TMEM176A: variants seen among roughly 807,000 people sequenced by gnomAD.
TMEM176A encodes transmembrane protein 176A, also known as hepatocellular carcinoma-associated antigen 112.
In TMEM176A, 20 loss-of-function variants were observed where a neutral mutation model predicts 27.9. The observed-to-expected ratio is 0.72, with a 90% CI of 0.50 to 1.04. The LOEUF (loss-of-function observed/expected upper bound fraction) is 1.04. Ranked by LOEUF, TMEM176A falls within the 50% of genes least tolerant of loss-of-function variation. The probability of loss-of-function intolerance (pLI) is 0.00; values close to 1 mark genes in which losing one functional copy is unlikely to be tolerated. For missense variants in TMEM176A, 252 were observed against 289.1 expected, an observed-to-expected ratio of 0.87 and a Z score of 0.93; for synonymous variants, 125 against 118.0, an observed-to-expected ratio of 1.06 and a Z score of -0.38.
At chr7:150,801,350 G>A in intron 1 of TMEM176A, 186 bp from the exon 2 acceptor site, 2 of 483,476 alleles carry the variant, frequency 4.1e-6, no homozygotes, top group East Asian at 3.5e-5. Context: ...CGCAGTTCCA[G>A]CATGGTCAGC....
chr7:150,802,257 G>A lies in TMEM176A; in HGVS notation c.217G>A (p.Gly73Arg). The A allele has an allele frequency of 1.2e-6, 2 of 1,613,984 alleles. No homozygotes were observed. The highest frequency in any genetic ancestry group is 1.7e-6 in the Non-Finnish European group (2 of 1,179,992). ...GGGGATCTTGAGTGCAGTCCTAGGA[G>A]GATTTTTCTACATCCGCGACTACAC... Reference protein sequence around the residue: ...VLGILSAVLGGFFYIRDYTLL... With the variant: ...VLGILSAVLGRFFYIRDYTLL... Residue 73 changes from glycine to arginine, a missense_variant, in exon 3 of 7, where the codon GGA becomes AGA. Transcript: ENST00000004103.
chr7:150,801,863 C>A, intron 2 of TMEM176A, 139 bp downstream of exon 2: 1 of 942,670 alleles, frequency 1.1e-6, no homozygotes. Context: ...ATTCTCTGGC[C>A]TTCTCAGTAA....
chr7:150,801,417 C>T, intron 1 of TMEM176A, 119 bp from the exon 2 acceptor site: 3 of 1,007,596 alleles, frequency 3.0e-6, no homozygotes, highest in Non-Finnish European at 4.4e-6. Context: ...GCCCTGTGAC[C>T]AGGACAGCCA....
intron 3 of TMEM176A, 54 bp downstream of exon 3, chr7:150,802,379 C>T (rs565436863): frequency 4.3e-5 from 63 of 1,479,886 alleles, no homozygotes; most frequent in South Asian, 3.8e-4. Flanking sequence ...GGGCATTGCT[C>T]TCCTGATTGC....
chr7:150,803,800 C>CACCT lies in TMEM176A; in HGVS notation c.525_528dup (p.Cys177ProfsTer81). ...GAGTCCAGAAGAAGTCAGAAGGCTACACCTATGTACCTCCTTCATGGACAT... is the reference window on the plus strand; with the variant it reads ...GAGTCCAGAAGAAGTCAGAAGGCTACACCTACCTATGTACCTCCTTCATGGACAT... On this transcript the variant is annotated frameshift_variant, in exon 5 of 7. Coordinates refer to ENST00000004103, the MANE Select transcript of TMEM176A (RefSeq NM_018487.3). LOFTEE classifies it high-confidence loss of function. 1 of 1,614,126 alleles carries CACCT rather than the reference C, an allele frequency of 6.2e-7. No homozygotes were observed. The highest frequency in any genetic ancestry group is 8.5e-7 in the Non-Finnish European group (1 of 1,180,026).
At position 150,802,113 on chromosome 7, in the gene TMEM176A, T is replaced by TCC. The variant is rs1798816767; in HGVS notation, c.175-101_175-100insCC. On this transcript the variant is annotated intron_variant, in intron 2 of 6. Coordinates refer to ENST00000004103, the MANE Select transcript of TMEM176A (RefSeq NM_018487.3). ...TCTCTTCTCTTCTCTTCTTTCTTTC[T>TCC]CTCTCTCTCTACCTCTCCCTCTCTT... 7 of 813,334 alleles carry TCC rather than the reference T, an allele frequency of 8.6e-6. No homozygotes were observed. In the South Asian group the frequency reaches 1.1e-4, roughly 12 times the overall value. The allele number at this position is 813,334 out of a possible 1,614,324, so 50.4% of individuals were successfully genotyped here.
intron 3 of TMEM176A, chr7:150,803,121 C>T (rs1417560617): frequency 8.8e-6 from 10 of 1,139,784 alleles, no homozygotes; most frequent in Non-Finnish European, 1.1e-5. Context: ...TCATAAAGCA[C>T]TTGGTGTTGT....
At chr7:150,804,536 T>C (rs1209697599) in intron 6 of TMEM176A, 64 bp downstream of exon 6, 11 of 1,375,720 alleles carry the variant, frequency 8.0e-6, no homozygotes, top group Non-Finnish European at 3.1e-6. Flanking sequence ...GAGACAGGAA[T>C]GGACAGTGGA....
At chr7:150,803,348 G>A in intron 3 of TMEM176A, 52 bp from the exon 4 acceptor site, 1 of 1,517,710 alleles carries the variant, frequency 6.6e-7, no homozygotes, top group Non-Finnish European at 8.8e-7. Flanking sequence ...TCTCGTGGGA[G>A]AGGAGTTGCA....
At chr7:150,801,457 C>T (rs2116730501) in intron 1 of TMEM176A, 79 bp from the exon 2 acceptor site, 2 of 1,451,070 alleles carry the variant, frequency 1.4e-6, no homozygotes, top group African/African-American at 1.4e-5. Flanking sequence ...CCACCACTGG[C>T]CCCTGACCTC....
intron 3 of TMEM176A, chr7:150,802,848 A>G (rs771567481): frequency 5.4e-5 from 53 of 988,388 alleles, no homozygotes; most frequent in Non-Finnish European, 6.0e-5. Context: ...TACTGACAGA[A>G]GCCGAGAGTA....
intron 3 of TMEM176A, 33 bp from the exon 4 acceptor site, chr7:150,803,367 A>G (rs741067): frequency 0.68 from 1,043,288 of 1,541,644 alleles, 354,808 homozygotes; most frequent in East Asian, 0.81. Context: ...CATTTCCTGT[A>G]CTAAGCCTGC....
intron 1 of TMEM176A, 162 bp downstream of exon 1, chr7:150,800,990 T>C (rs1026066913): frequency 3.0e-6 from 3 of 985,348 alleles, no homozygotes. Flanking sequence ...GCTTTTGACC[T>C]ACCTCCGCAC....
intron 1 of TMEM176A, 114 bp from the exon 2 acceptor site, chr7:150,801,422 C>G: frequency 9.5e-7 from 1 of 1,054,116 alleles, no homozygotes; most frequent in Non-Finnish European, 1.4e-6. Flanking sequence ...GTGACCAGGA[C>G]AGCCATTCAT....
intron 6 of TMEM176A, 128 bp from the exon 7 acceptor site, chr7:150,804,699 C>T: frequency 9.4e-7 from 1 of 1,058,234 alleles, no homozygotes; most frequent in Non-Finnish European, 1.5e-6. Context: ...AGTCCATATC[C>T]ATGCTATGCC....
chr7:150,804,536 T>G (rs1209697599), intron 6 of TMEM176A, 64 bp downstream of exon 6: 4 of 1,375,720 alleles, frequency 2.9e-6, no homozygotes, highest in African/African-American at 1.4e-5. Context: ...GAGACAGGAA[T>G]GGACAGTGGA....
At chr7:150,802,101 C>CTTCTCTTCTT in intron 2 of TMEM176A, 114 bp from the exon 3 acceptor site, 1 of 753,210 alleles carries the variant, frequency 1.3e-6, no homozygotes, top group Non-Finnish European at 2.3e-6. Context: ...CTTCTCTTCT[C>CTTCTCTTCTT]TTCTTTCTTT....
In TMEM176A at chr7:150,804,490, G is replaced by T. The variant is rs1584761710; in HGVS notation, c.666+18G>T. ...CCAAAGGGGTGAGTCCCTAAGGTGT[G>T]TGCCTGTGTATTTGGGGCAGTGGAA... On this transcript the variant is annotated intron_variant, in intron 6 of 6. Transcript: ENST00000004103. 7 of 1,599,818 alleles carry T rather than the reference G, an allele frequency of 4.4e-6. No individual in the cohort carries two copies. In the East Asian group the frequency reaches 1.6e-4, roughly 36 times the overall value.
intron 3 of TMEM176A, chr7:150,802,559 G>GCA: frequency 1.4e-6 from 1 of 702,742 alleles, no homozygotes; most frequent in African/African-American, 1.8e-5. Flanking sequence ...CAGGCTGGCT[G>GCA]CCTCTCCCTG....
Sources: allele counts gnomAD v4.1 joint callset, GRCh38; gene constraint gnomAD v4.1.1; transcripts MANE v1.5; gene names NCBI Gene and HGNC (gene_info 2026-07-23, HGNC 2026-07-21).